CERCAM: variants seen among roughly 807,000 people sequenced by gnomAD.
CERCAM encodes cerebral endothelial cell adhesion molecule.
Under a neutral mutation model 66.0 loss-of-function variants are expected in CERCAM, and 59 were observed. The ratio of observed to expected loss-of-function variants is 0.89; its 90% CI spans 0.73 to 1.11. CERCAM has a LOEUF of 1.11. Ranked by LOEUF, CERCAM falls within the 50% of genes most tolerant of loss-of-function variation. The pLI is 0.00. For synonymous variants in CERCAM, 318 were observed against 343.6 expected (o/e 0.93, Z 0.83); for missense variants, 840 against 828.3 (o/e 1.01, Z -0.17).
intron 5 of CERCAM, among the ~76,000 whole-genome samples, chr9:128,425,574 T>A (rs1473091856): frequency 2.7e-5 from 4 of 149,218 alleles, no homozygotes; most frequent in Non-Finnish European, 6.0e-5. Flanking sequence ...TGCAATGGCG[T>A]GATCTTGGCT....
rs11788102 is a variant in CERCAM at position 128,420,978 on chromosome 9, T to C, written c.101T>C (p.Val34Ala). ...GCGGAGTCGCCGCTGCCCGCCGTGG[T>C]CCTTGCCATCCTGGCCCGCAATGCC... ...GVAESPLPAV[V>A]LAILARNAEH... The change falls in exon 1 of 13, where the codon GTC becomes GCC. Residue 34 changes from valine (V) to alanine (A), a missense_variant. Coordinates refer to ENST00000372838, the MANE Select transcript of CERCAM (RefSeq NM_016174.5). The surrounding 1 kb of genome is among the most constrained non-coding windows in gnomAD (Gnocchi z 5.0). 4 of 1,468,274 alleles carry C rather than the reference T, an allele frequency of 2.7e-6. No homozygotes were observed. The highest frequency in any genetic ancestry group is 3.6e-6 in the Non-Finnish European group (4 of 1,111,980). 91.0% of individuals were successfully genotyped at this position (1,468,274 alleles called of 1,614,324 possible).
intron 9 of CERCAM, chr9:128,431,579 C>T: frequency 2.6e-6 from 1 of 387,258 alleles, no homozygotes; most frequent in Non-Finnish European, 4.7e-6. Context: ...CTCCTTCCTG[C>T]AATAAAGGGA....
intron 5 of CERCAM, among the ~76,000 whole-genome samples, chr9:128,427,240 G>A (rs1032604853): frequency 1.3e-5 from 2 of 152,022 alleles, no homozygotes; most frequent in African/African-American, 4.8e-5. Context: ...AGCCTCCTAA[G>A]TAGATGGGAT....
At chr9:128,421,100 A>G in intron 1 of CERCAM, 26 bp downstream of exon 1, 1 of 1,276,040 alleles carries the variant, frequency 7.8e-7, no homozygotes, top group South Asian at 2.6e-5. Context: ...ATTGGCACCG[A>G]GTGGGCACCT....
chr9:128,427,942 T>G (rs1483556208), intron 5 of CERCAM, among the ~76,000 whole-genome samples: 1 of 151,634 alleles, frequency 6.6e-6, no homozygotes, highest in East Asian at 1.9e-4. Flanking sequence ...GTGGGGGGAT[T>G]TAGGAGACAG....
Position 128,434,652 on chromosome 9 carries a change from G to T in CERCAM, c.1535+39G>T. 1 of 1,578,488 alleles carries T rather than the reference G, an allele frequency of 6.3e-7. No individual in the cohort carries two copies. Among genetic ancestry groups the T allele is most frequent in the Non-Finnish European group, 8.6e-7 (1 of 1,162,724 alleles). On this transcript the variant is annotated intron_variant, in intron 11 of 12. Coordinates refer to ENST00000372838, the MANE Select transcript of CERCAM (RefSeq NM_016174.5). This position sits in a 1 kb window ranked among gnomAD's most constrained non-coding sequence, Gnocchi z 4.5. ...GGGGGCCGGGCATGGCAGGGCAGAG[G>T]CGTCCCCTCCAGGAACTCACCTCAG...
At chr9:128,424,355 C>A in intron 4 of CERCAM, 55 bp from the exon 5 acceptor site, 15 of 1,612,408 alleles carry the variant, frequency 9.3e-6, no homozygotes, top group Non-Finnish European at 1.3e-5. Flanking sequence ...GCCTTGGGGT[C>A]TGTGGGCAGG....
intron 9 of CERCAM, 95 bp downstream of exon 9, chr9:128,431,398 C>A: frequency 6.6e-7 from 1 of 1,513,038 alleles, no homozygotes; most frequent in Non-Finnish European, 9.0e-7. Flanking sequence ...TGAATGAAGA[C>A]ATTCATCAAA....
At chr9:128,432,866 G>A (rs1224000166) in intron 9 of CERCAM, among the ~76,000 whole-genome samples, 1 of 151,824 alleles carries the variant, frequency 6.6e-6, no homozygotes, top group African/African-American at 2.4e-5. Context: ...CAGGAGGCCA[G>A]GCCAGGTGCG....
At chr9:128,428,612 C>T in intron 6 of CERCAM, 145 bp from the exon 7 acceptor site, 1 of 1,073,668 alleles carries the variant, frequency 9.3e-7, no homozygotes, top group South Asian at 1.4e-5. Context: ...ACAATGGGGG[C>T]AGGTGGATCC....
chr9:128,429,835 C>T (rs13298314), intron 8 of CERCAM, among the ~76,000 whole-genome samples: 1 of 151,844 alleles, frequency 6.6e-6, no homozygotes, highest in Non-Finnish European at 1.5e-5. Context: ...TCGCCCAGGC[C>T]TGGAGTGCAG....
intron 1 of CERCAM, 118 bp downstream of exon 1, chr9:128,421,192 C>T: frequency 4.0e-6 from 5 of 1,239,844 alleles, no homozygotes; most frequent in Non-Finnish European, 5.0e-6. Context: ...AGACAGGCCC[C>T]TCCCCTCACA....
chr9:128,432,179 C>A (rs1361358158), intron 9 of CERCAM, among the ~76,000 whole-genome samples: 1 of 152,052 alleles, frequency 6.6e-6, no homozygotes, highest in African/African-American at 2.4e-5. Context: ...GCATGTGCCA[C>A]CACACCTGGC....
chr9:128,434,049 A>AG lies in CERCAM; in HGVS notation c.1204-47dup. On this transcript the variant is annotated intron_variant, in intron 9 of 12. Coordinates refer to ENST00000372838, the MANE Select transcript of CERCAM (RefSeq NM_016174.5). The surrounding 1 kb of genome is among the most constrained non-coding windows in gnomAD (Gnocchi z 4.5). Reference sequence around the variant, plus strand: ...AGGCTGTGAGCTTCAGCGTGGAGGGAGGGGGGTTGTTTAACTCCGAAGAGC... The same window carrying AG: ...AGGCTGTGAGCTTCAGCGTGGAGGGAGGGGGGGTTGTTTAACTCCGAAGAGC... The AG allele has an allele frequency of 1.9e-6, 3 of 1,600,180 alleles. No homozygotes were observed. The highest frequency in any genetic ancestry group is 2.3e-5 in the South Asian group (2 of 88,550).
upstream of CERCAM, chr9:128,420,600 G>A (rs1033460364): frequency 3.5e-5 from 7 of 197,428 alleles, no homozygotes; most frequent in East Asian, 6.4e-4. The surrounding 1 kb of genome is among the most constrained non-coding windows in gnomAD (Gnocchi z 5.0). Flanking sequence ...CGGTCCTCCG[G>A]CCCCTCCGCC....
chr9:128,435,977 T>C (rs1233201037), intron 12 of CERCAM, 72 bp downstream of exon 12: 1 of 1,443,392 alleles, frequency 6.9e-7, no homozygotes, highest in East Asian at 2.4e-5. Context: ...GGCATAACTG[T>C]GTCTGGGGCT....
intron 5 of CERCAM, among the ~76,000 whole-genome samples, chr9:128,425,382 G>A (rs565727654): frequency 6.6e-6 from 1 of 151,938 alleles, no homozygotes; most frequent in South Asian, 2.1e-4. Context: ...AAAGAGTTTG[G>A]GTATGGCCAG....
At chr9:128,423,643 A>G (rs1833767184) in intron 3 of CERCAM, among the ~76,000 whole-genome samples, 1 of 151,666 alleles carries the variant, frequency 6.6e-6, no homozygotes, top group South Asian at 2.1e-4. Flanking sequence ...AGAAAAAGAA[A>G]TCTGAATGTG....
At chr9:128,431,046 G>C in intron 8 of CERCAM, 125 bp from the exon 9 acceptor site, 2 of 1,193,880 alleles carry the variant, frequency 1.7e-6, no homozygotes, top group Non-Finnish European at 2.3e-6. Context: ...ACACAAAGGA[G>C]TTACAAGGCA....
Sources: gnomAD v4.1 joint callset for allele counts (sites outside exome capture counted in the v4.1 genomes callset) on GRCh38, gnomAD v4.1.1 for gene constraint, Gnocchi (gnomAD v3.1) non-coding constraint, MANE v1.5 for transcripts, NCBI Gene and HGNC (gene_info 2026-07-23, HGNC 2026-07-21) for gene names.